STAU1: variants seen among roughly 807,000 people sequenced by gnomAD.
STAU1 encodes staufen double-stranded RNA binding protein 1.
A neutral mutation model predicts 62.9 loss-of-function variants in STAU1; 13 were observed. The observed-to-expected ratio is 0.21, with a 90% CI of 0.13 to 0.33. The LOEUF (loss-of-function observed/expected upper bound fraction) is 0.33. Ranked by LOEUF, STAU1 falls within the 10% of genes least tolerant of loss-of-function variation. The pLI, the probability that STAU1 is intolerant of heterozygous loss-of-function variation, is 1.00. For synonymous variants in STAU1, 269 were observed against 265.1 expected, an observed-to-expected ratio of 1.01 and a Z score of -0.14; for missense variants, 571 against 712.1, an observed-to-expected ratio of 0.80 and a Z score of 2.25.
rs943754228 is a variant in STAU1, at chr20:49,147,664, C to T, written c.510+3918G>A. 5.9e-5 allele frequency among the ~76,000 whole-genome samples: 9 copies of T among 152,164 alleles called. 1 individual carries two copies. The highest frequency in any genetic ancestry group is 2.9e-5 in the Non-Finnish European group (2 of 68,046). On this transcript the variant is annotated intron_variant, in intron 5 of 13. Coordinates refer to ENST00000371856, the MANE Select transcript of STAU1 (RefSeq NM_017453.4). ...TTAACTGCAACGATGTTCTTCCCGACCCATTTTATAAGAGGGAAAATGCAA... is the reference window on the plus strand; with the variant it reads ...TTAACTGCAACGATGTTCTTCCCGATCCATTTTATAAGAGGGAAAATGCAA...
At chr20:49,215,981 C>T in the STAU1 span, among the ~76,000 whole-genome samples, 1 of 114,952 alleles carries the variant, frequency 8.7e-6, no homozygotes. Flanking sequence ...GTACTCCAGC[C>T]TGGGTGATAT....
At chr20:49,167,233 T>TG (rs11481564) in intron 2 of STAU1, among the ~76,000 whole-genome samples, 48,295 of 151,986 alleles carry the variant, frequency 0.32, 9,049 homozygotes, top group Middle Eastern at 0.46. Context: ...AAATAACCAG[T>TG]GGCAACAAAG....
At position 49,115,816 on chromosome 20, in the gene STAU1, C is replaced by T. The variant is rs146411108; in HGVS notation, c.1684G>A (p.Glu562Lys). The T allele has an allele frequency of 9.3e-6, 15 of 1,614,126 alleles. No individual in the cohort carries two copies. Among genetic ancestry groups the T allele is most frequent in the Non-Finnish European group, 1.2e-5 (14 of 1,180,010 alleles). The change falls in exon 13 of 14, where the codon GAG (glutamate) becomes AAG (lysine). Residue 562 changes from glutamate (E) to lysine (K), a missense_variant. By Grantham distance (56) the Glu-to-Lys change is moderately conservative. Transcript: ENST00000371856. ...LLSELDQQST[E>K]MPRTGNGPMS... is the part of the protein sequence containing the mutation. The stretch of plus-strand genomic sequence containing the variant: ...GGTCCGTTTCCTGTTCTTGGCATCT[C>T]TGTACTTTGTTGGTCCAACTCAGAC...
At chr20:49,216,120 T>A in the STAU1 span, among the ~76,000 whole-genome samples, 1 of 149,344 alleles carries the variant, frequency 6.7e-6, no homozygotes, top group Non-Finnish European at 1.5e-5. Flanking sequence ...CTGGGTGCAG[T>A]GGCCCACACC....
In STAU1 at chr20:49,141,119, A is replaced by G. The variant is rs1385744765; in HGVS notation, c.511-5188T>C. ...ACTTTGAATGCCACGTACATGCCCC[A>G]ATTTTCAATGTTTTGTTCATTGTAT... On this transcript the variant is annotated intron_variant, in intron 5 of 13. Coordinates refer to ENST00000371856, the MANE Select transcript of STAU1 (RefSeq NM_017453.4). Among the ~76,000 whole-genome samples the G allele has an allele frequency of 4.6e-5, 7 of 152,302 alleles. No individual in the cohort carries two copies. In the South Asian group the frequency reaches 8.3e-4, roughly 18 times the overall value.
the STAU1 span, among the ~76,000 whole-genome samples, chr20:49,206,183 G>A: frequency 5.4e-5 from 8 of 147,358 alleles, no homozygotes; most frequent in Non-Finnish European, 1.0e-4. Flanking sequence ...TTGTAAGTAC[G>A]GGGTTTTACC....
At chr20:49,213,464 G>A in the STAU1 span, among the ~76,000 whole-genome samples, 8 of 152,090 alleles carry the variant, frequency 5.3e-5, no homozygotes, top group Non-Finnish European at 8.8e-5. Context: ...TCCTGACCTC[G>A]TGATCCACCT....
rs564628914 is a variant in STAU1, at chr20:49,175,358, G to C, written c.-159-1089C>G. Among the ~76,000 whole-genome samples the C allele has an allele frequency of 2.0e-5, 3 of 152,178 alleles. No individual in the cohort carries two copies. The South Asian group carries it at 6.2e-4, about 32-fold the overall frequency. On this transcript the variant is annotated intron_variant, in intron 1 of 13. Coordinates refer to ENST00000371856, the MANE Select transcript of STAU1 (RefSeq NM_017453.4). ...AAAAAAAAAAAGACACAATTGCCTG[G>C]AAGCTGGGTGAAGAATATTTTGCAG...
chr20:49,179,893 A>G (rs545015142), intron 1 of STAU1, among the ~76,000 whole-genome samples: 33 of 152,380 alleles, frequency 2.2e-4, no homozygotes, highest in African/African-American at 7.2e-4. Flanking sequence ...ATGCTATGTC[A>G]TTACAGACTA....
chr20:49,202,736 AAAG>A, the STAU1 span, among the ~76,000 whole-genome samples: 960 of 151,874 alleles, frequency 6.3e-3, 15 homozygotes, highest in African/African-American at 0.021. Flanking sequence ...AAAAGAAAAA[AAAG>A]AAGAAGAAGG....
At chr20:49,115,194 G>A (rs1002566114) in intron 13 of STAU1, among the ~76,000 whole-genome samples, 4 of 152,148 alleles carry the variant, frequency 2.6e-5, no homozygotes, top group Non-Finnish European at 5.9e-5. Context: ...TGGGGGAGGC[G>A]GTGGGGAGAA....
At chr20:49,118,875 G>A (rs1027116597) in intron 9 of STAU1, among the ~76,000 whole-genome samples, 1 of 152,208 alleles carries the variant, frequency 6.6e-6, no homozygotes, top group South Asian at 2.1e-4. Flanking sequence ...TATTACCTAA[G>A]AATTTTGTCT....
intron 10 of STAU1, 24 bp from the exon 11 acceptor site, chr20:49,118,120 C>T (rs1378569178): frequency 1.2e-6 from 2 of 1,600,330 alleles, no homozygotes; most frequent in East Asian, 2.2e-5. Flanking sequence ...ACACGGTAAA[C>T]ACGAATCCAC....
At chr20:49,197,458 G>A in the STAU1 span, among the ~76,000 whole-genome samples, 1 of 148,022 alleles carries the variant, frequency 6.8e-6, no homozygotes, top group African/African-American at 2.5e-5. Flanking sequence ...CTGGAGTGCA[G>A]TGGCGCGATC....
At chr20:49,209,115 T>C in the STAU1 span, among the ~76,000 whole-genome samples, 1 of 151,572 alleles carries the variant, frequency 6.6e-6, no homozygotes, top group Non-Finnish European at 1.5e-5. Flanking sequence ...TTTGTATTTT[T>C]AGAAGAGACG....
chr20:49,134,861 G>A, intron 6 of STAU1: 2 of 1,577,864 alleles, frequency 1.3e-6, no homozygotes, highest in Non-Finnish European at 1.7e-6. Flanking sequence ...GGAAGATGAA[G>A]TGATGAGAGC....
At chr20:49,200,219 CT>C in the STAU1 span, among the ~76,000 whole-genome samples, 1 of 152,138 alleles carries the variant, frequency 6.6e-6, no homozygotes, top group Non-Finnish European at 1.5e-5. Context: ...GAGCCAAAAC[CT>C]GGAGACAATC....
intron 6 of STAU1, among the ~76,000 whole-genome samples, chr20:49,128,359 T>C (rs2092678088): frequency 6.6e-6 from 1 of 152,010 alleles, no homozygotes; most frequent in Non-Finnish European, 1.5e-5. Context: ...TATTTCAAAA[T>C]ATACATATTT....
chr20:49,195,561 AG>A, the STAU1 span, among the ~76,000 whole-genome samples: 120 of 107,770 alleles, frequency 1.1e-3, 2 homozygotes, highest in Non-Finnish European at 1.4e-3. Context: ...AAAAAAAAAA[AG>A]ATAGCAACAG....
Sources: gnomAD v4.1 joint callset for allele counts (sites outside exome capture counted in the v4.1 genomes callset) on GRCh38, gnomAD v4.1.1 for gene constraint, MANE v1.5 for transcripts, NCBI Gene and HGNC (gene_info 2026-07-23, HGNC 2026-07-21) for gene names.